Variants in ZNF511 observed in about 807,000 individuals in gnomAD.
ZNF511 encodes zinc finger protein 511.
In ZNF511, 26 loss-of-function variants were observed where a neutral mutation model predicts 24.8. The observed-to-expected ratio is 1.05, with a 90% confidence interval of 0.77 to 1.46. ZNF511 has a LOEUF of 1.46. ZNF511 is among the 40% of genes most tolerant of loss of function. ZNF511 has a pLI of 0.00. For missense variants in ZNF511, 358 were observed against 345.0 expected (o/e 1.04, Z -0.30); for synonymous variants, 144 against 139.6 (o/e 1.03, Z -0.22).
At chr10:133,310,356 A>G in intron 4 of ZNF511, 68 bp downstream of exon 4, 1 of 1,595,690 alleles carries the variant, frequency 6.3e-7, no homozygotes. Context: ...ACTAGCCGGA[A>G]TGCATAGACG....
intron 2 of ZNF511, 82 bp from the exon 3 acceptor site, chr10:133,309,694 G>A: frequency 1.3e-6 from 2 of 1,511,378 alleles, no homozygotes; most frequent in South Asian, 1.1e-5. Flanking sequence ...TTTATTGGAC[G>A]TCTCAAAGGG....
chr10:133,311,253 C>T (rs1332915960), intron 4 of ZNF511, among the ~76,000 whole-genome samples: 1 of 152,148 alleles, frequency 6.6e-6, no homozygotes, highest in Non-Finnish European at 1.5e-5. Flanking sequence ...ACTGGGAGAA[C>T]CCACTGCAAT....
In ZNF511 at chr10:133,313,065, A is replaced by G. The variant is rs1015222668; in HGVS notation, c.*199A>G. ...CACAGATTTTGGAAACGACCTGGAC[A>G]CACTATTGGGAAGGAGATGTGGACG... On this transcript the variant is annotated 3_prime_UTR_variant, in exon 6 of 6. Coordinates refer to ENST00000361518, the MANE Select transcript of ZNF511 (RefSeq NM_145806.4). 9 of 1,389,888 alleles carry G rather than the reference A, an allele frequency of 6.5e-6. No individual in the cohort carries two copies. The African/African-American group carries it at 8.7e-5, about 13-fold the overall frequency. 86.1% of individuals were successfully genotyped at this position (1,389,888 alleles called of 1,614,324 possible). A position where few individuals can be genotyped will look rare whatever the true frequency, so the allele number is the denominator to read the frequency against.
intron 5 of ZNF511, chr10:133,312,363 A>T: frequency 8.6e-7 from 1 of 1,160,524 alleles, no homozygotes. Flanking sequence ...AACGGTGAAC[A>T]AGTGGGGAAA....
chr10:133,311,934 T>G (rs764843962), intron 5 of ZNF511, 93 bp downstream of exon 5: 2 of 1,613,090 alleles, frequency 1.2e-6, no homozygotes, highest in Non-Finnish European at 1.7e-6. Flanking sequence ...CTTCTCATAC[T>G]GAATTCAGAA....
chr10:133,311,814 C>T lies in ZNF511; in HGVS notation c.653C>T (p.Ala218Val). Residue 218 changes from alanine (A) to valine (V), a missense_variant, in exon 5 of 6, where the codon GCA (alanine) becomes GTA (valine). Ala to Val is a moderately conservative substitution (Grantham distance 64). Transcript: ENST00000361518. Reference protein sequence around the residue: ...SEPVAASPAPAGERRIYRHRI... With the variant: ...SEPVAASPAPVGERRIYRHRI... ...CCTGTGGCAGCCTCCCCTGCACCGGCAGGTGAGAGGCGGATCTACAGACAT... is the reference window on the plus strand; with the variant it reads ...CCTGTGGCAGCCTCCCCTGCACCGGTAGGTGAGAGGCGGATCTACAGACAT... 1 of 1,613,352 alleles carries T rather than the reference C, an allele frequency of 6.2e-7. No individual in the cohort carries two copies. Among genetic ancestry groups the T allele is most frequent in the Non-Finnish European group, 8.5e-7 (1 of 1,180,038 alleles).
rs1847906642 is a variant in ZNF511 at position 133,308,937 on chromosome 10, C to T, written c.-7C>T. 10 of 1,224,226 alleles carry T rather than the reference C, an allele frequency of 8.2e-6. No homozygotes were observed. The highest frequency in any genetic ancestry group is 1.6e-5 in the African/African-American group (1 of 63,734). 75.8% of individuals were successfully genotyped at this position (1,224,226 alleles called of 1,614,324 possible). A position where few individuals can be genotyped will look rare whatever the true frequency, so the allele number is the denominator to read the frequency against. Reference sequence around the variant, plus strand: ...CCGACAGGCTGCGCCCGCCCGCGCCCGGGGTGATGCAGTTGCCCCCCGCGC... The same window carrying T: ...CCGACAGGCTGCGCCCGCCCGCGCCTGGGGTGATGCAGTTGCCCCCCGCGC... On this transcript the variant is annotated 5_prime_UTR_variant, in exon 1 of 6. Coordinates refer to ENST00000361518, the MANE Select transcript of ZNF511 (RefSeq NM_145806.4).
At chr10:133,309,274 G>A (rs1682138837) in intron 1 of ZNF511, 116 bp from the exon 2 acceptor site, 4 of 1,393,410 alleles carry the variant, frequency 2.9e-6, no homozygotes, top group Non-Finnish European at 3.9e-6. Context: ...CGGGGCCTGA[G>A]GCTGTGGGGC....
intron 5 of ZNF511, 133 bp from the exon 6 acceptor site, chr10:133,312,655 C>A: frequency 1.3e-6 from 2 of 1,548,280 alleles, no homozygotes; most frequent in Non-Finnish European, 1.7e-6. Context: ...GCCCCAGGGC[C>A]CAGGAGGGCC....
At position 133,311,835 on chromosome 10, in the gene ZNF511, G is replaced by C; in HGVS notation, c.674G>C (p.Arg225Thr). Residue 225 changes from arginine to threonine, a missense_variant, in exon 5 of 6, where the codon AGA becomes ACA. By Grantham distance (71) the Arg-to-Thr change is moderately conservative. Coordinates refer to ENST00000361518, the MANE Select transcript of ZNF511 (RefSeq NM_145806.4). ...CCGGCAGGTGAGAGGCGGATCTACAGACATAGGTCAGTGTCTGAGCTCTTT... is the reference window on the plus strand; with the variant it reads ...CCGGCAGGTGAGAGGCGGATCTACACACATAGGTCAGTGTCTGAGCTCTTT... The part of the protein sequence containing the change: ...PAPAGERRIY[R>T]HRIPSTICFG... 1 of 1,613,386 alleles carries C rather than the reference G, an allele frequency of 6.2e-7. No individual in the cohort carries two copies. The highest frequency in any genetic ancestry group is 8.5e-7 in the Non-Finnish European group (1 of 1,180,044).
In ZNF511 at chr10:133,311,610, T is replaced by C. The variant is rs1258331376; in HGVS notation, c.555-106T>C. 4.2e-6 allele frequency: 4 copies of C among 961,342 alleles called. No homozygotes were observed. The South Asian group carries it at 6.3e-5, about 15-fold the overall frequency. 59.6% of individuals were successfully genotyped at this position (961,342 alleles called of 1,614,324 possible). A position where few individuals can be genotyped will look rare whatever the true frequency, so the allele number is the denominator to read the frequency against. ...ACTATGCCAAAATAGTAAGAAAATA[T>C]GCTACTTACAGGGAAATCCAGTTTC... On this transcript the variant is annotated intron_variant, in intron 4 of 5. Transcript: ENST00000361518.
intron 2 of ZNF511, 71 bp downstream of exon 2, chr10:133,309,534 G>A: frequency 6.5e-7 from 1 of 1,529,228 alleles, no homozygotes; most frequent in African/African-American, 1.4e-5. Flanking sequence ...TGGTCCCTGG[G>A]GCTGTGCTGC....
intron 2 of ZNF511, 64 bp from the exon 3 acceptor site, chr10:133,309,712 G>A: frequency 1.3e-6 from 2 of 1,579,894 alleles, no homozygotes; most frequent in Non-Finnish European, 1.7e-6. Context: ...GGGAAACTGT[G>A]CAGAAAGTCC....
chr10:133,312,576 G>A, intron 5 of ZNF511: 1 of 1,444,228 alleles, frequency 6.9e-7, no homozygotes, highest in Non-Finnish European at 9.0e-7. Flanking sequence ...GTTCTTCCCA[G>A]CGGGTGTGCG....
At chr10:133,310,453 T>C (rs1847965514) in intron 4 of ZNF511, 165 bp downstream of exon 4, 1 of 900,222 alleles carries the variant, frequency 1.1e-6, no homozygotes, top group African/African-American at 1.7e-5. Context: ...TACAGGTGGT[T>C]GTGCCAGCGG....
intron 1 of ZNF511, 72 bp from the exon 2 acceptor site, chr10:133,309,318 T>A (rs1009509389): frequency 4.0e-4 from 615 of 1,533,378 alleles, no homozygotes; most frequent in Non-Finnish European, 5.1e-4. Context: ...GGGCCACGGG[T>A]GTGGGCGAGG....
chr10:133,310,016 T>C, intron 3 of ZNF511, 39 bp downstream of exon 3: 5 of 1,611,252 alleles, frequency 3.1e-6, no homozygotes, highest in South Asian at 1.1e-5. Flanking sequence ...CCACCCCCCA[T>C]TGGTGATGGG....
intron 5 of ZNF511, chr10:133,312,411 C>T: frequency 1.7e-6 from 2 of 1,183,882 alleles, no homozygotes; most frequent in Non-Finnish European, 2.1e-6. Flanking sequence ...GAACGATGAA[C>T]TTAATGTTCC....
At chr10:133,309,708 C>T in intron 2 of ZNF511, 68 bp from the exon 3 acceptor site, 2 of 1,570,796 alleles carry the variant, frequency 1.3e-6, no homozygotes, top group Non-Finnish European at 1.7e-6. Context: ...CAAAGGGAAA[C>T]TGTGCAGAAA....
Sources: gnomAD v4.1 joint callset for allele counts (sites outside exome capture counted in the v4.1 genomes callset) on GRCh38, gnomAD v4.1.1 for gene constraint, MANE v1.5 for transcripts, NCBI Gene and HGNC (gene_info 2026-07-23, HGNC 2026-07-21) for gene names.